ASTN2: variants seen among roughly 807,000 people sequenced by gnomAD.
ASTN2 encodes astrotactin-2.
ASTN2 carries 54 observed loss-of-function variants against 139.8 expected under a neutral mutation model. That is an observed-to-expected ratio of 0.39 (90% CI 0.31 to 0.48). The LOEUF (loss-of-function observed/expected upper bound fraction) is 0.48. Ranked by LOEUF, ASTN2 falls within the 20% of genes least tolerant of loss-of-function variation. ASTN2 has a pLI of 0.95. For synonymous variants in ASTN2, 756 were observed against 719.5 expected, an observed-to-expected ratio of 1.05 and a Z score of -0.81; for missense variants, 1,565 against 1,725.1, an observed-to-expected ratio of 0.91 and a Z score of 1.64.
chr9:116,991,599 A>AT (rs1836859025), intron 7 of ASTN2, among the ~76,000 whole-genome samples: 1 of 152,074 alleles, frequency 6.6e-6, no homozygotes, highest in African/African-American at 2.4e-5. Context: ...AAAAAAAAAA[A>AT]AAAGCAGAAA....
chr9:117,045,310 T>C (rs1838700827), intron 5 of ASTN2, among the ~76,000 whole-genome samples: 1 of 129,888 alleles, frequency 7.7e-6, no homozygotes, highest in Non-Finnish European at 1.6e-5. Flanking sequence ...GCAGATCATA[T>C]TGCCTGAGTA....
Position 116,961,702 on chromosome 9 carries a change from T to A in ASTN2, c.1889+13506A>T, listed in dbSNP as rs557677675. Among the ~76,000 whole-genome samples, 4 of 152,348 alleles carry A rather than the reference T, an allele frequency of 2.6e-5. No homozygotes were observed. The South Asian group carries it at 8.3e-4, about 32-fold the overall frequency. On this transcript the variant is annotated intron_variant, in intron 10 of 22. Coordinates refer to ENST00000313400, the MANE Select transcript of ASTN2 (RefSeq NM_001365068.1). ...GAGTCTCACTCCAATGACTCAATCATCATGTACTTAATGAACACTTATTGG... is the reference window on the plus strand; with the variant it reads ...GAGTCTCACTCCAATGACTCAATCAACATGTACTTAATGAACACTTATTGG...
intron 17 of ASTN2, among the ~76,000 whole-genome samples, chr9:116,633,918 A>G (rs1439937882): frequency 1.3e-5 from 2 of 152,194 alleles, no homozygotes; most frequent in African/African-American, 2.4e-5. Context: ...GCTTTAAGGT[A>G]GTCATATTTC....
intron 1 of ASTN2, among the ~76,000 whole-genome samples, chr9:117,361,578 A>G (rs1480076328): frequency 6.6e-6 from 1 of 152,198 alleles, no homozygotes; most frequent in Non-Finnish European, 1.5e-5. Flanking sequence ...AAACTAAACC[A>G]GAATGAGGGC....
Position 117,386,667 on chromosome 9 carries a change from C to T in ASTN2, c.442+27830G>A, listed in dbSNP as rs544815205. On this transcript the variant is annotated intron_variant, in intron 1 of 22. Coordinates refer to ENST00000313400, the MANE Select transcript of ASTN2 (RefSeq NM_001365068.1). ...AGGTAAGTTCTGTAAGGTCCTAGGACGGCAAGGTCCCAGGTGAATGCCTCC... is the reference window on the plus strand; with the variant it reads ...AGGTAAGTTCTGTAAGGTCCTAGGATGGCAAGGTCCCAGGTGAATGCCTCC... Among the ~76,000 whole-genome samples the T allele has an allele frequency of 6.5e-4, 99 of 152,142 alleles. No homozygotes were observed. In the Middle Eastern group the frequency reaches 0.01, roughly 16 times the overall value.
At chr9:117,075,551 G>C (rs1265429405) in intron 5 of ASTN2, among the ~76,000 whole-genome samples, 1 of 151,918 alleles carries the variant, frequency 6.6e-6, no homozygotes, top group Non-Finnish European at 1.5e-5. Flanking sequence ...GCAATTTCAT[G>C]GTCTCCCTTG....
chr9:116,545,479 C>T (rs949749645), intron 19 of ASTN2, among the ~76,000 whole-genome samples: 2 of 152,100 alleles, frequency 1.3e-5, no homozygotes, highest in African/African-American at 4.8e-5. Context: ...ACATATATCC[C>T]ACAGGGAAAC....
chr9:116,848,272 G>A (rs1313255249), intron 11 of ASTN2, among the ~76,000 whole-genome samples: 1 of 152,206 alleles, frequency 6.6e-6, no homozygotes, highest in Non-Finnish European at 1.5e-5. Flanking sequence ...GTTTTCAGAA[G>A]CCTCATGTCC....
rs142513869 is a variant in ASTN2 at position 116,886,392 on chromosome 9, T to C, written c.1890-22659A>G. Among the ~76,000 whole-genome samples the C allele has an allele frequency of 1.9e-4, 29 of 152,356 alleles. 1 individual carries two copies. The highest frequency in any genetic ancestry group is 6.7e-4 in the African/African-American group (28 of 41,572). On this transcript the variant is annotated intron_variant, in intron 10 of 22. Coordinates refer to ENST00000313400, the MANE Select transcript of ASTN2 (RefSeq NM_001365068.1). ...TTTTCTTTCTTTCTTTTCTTTTTCT[T>C]GAAACAGGGTCTTGCTCCGTTGCCC... is the stretch of plus-strand genomic sequence containing the variant.
chr9:116,456,341 A>C (rs1396041096), intron 20 of ASTN2, among the ~76,000 whole-genome samples: 1 of 152,200 alleles, frequency 6.6e-6, no homozygotes, highest in Non-Finnish European at 1.5e-5. Context: ...ACATTGAGTC[A>C]AGAAATTGAA....
At chr9:117,124,808 G>GA (rs56107557) in intron 4 of ASTN2, among the ~76,000 whole-genome samples, 27,607 of 129,862 alleles carry the variant, frequency 0.21, 3,018 homozygotes, top group African/African-American at 0.3. Context: ...CTGCCACCAT[G>GA]AAAAAAAAAA....
At chr9:116,931,357 C>T (rs1834892475) in intron 10 of ASTN2, among the ~76,000 whole-genome samples, 2 of 152,174 alleles carry the variant, frequency 1.3e-5, no homozygotes, top group Admixed American at 6.5e-5. Flanking sequence ...ATCCCTGTCA[C>T]AGGTGCGAGT....
intron 7 of ASTN2, among the ~76,000 whole-genome samples, chr9:116,986,248 C>A (rs1350128044): frequency 6.7e-6 from 1 of 148,694 alleles, no homozygotes; most frequent in East Asian, 2.0e-4. Flanking sequence ...AGGCTTCCTG[C>A]TGTGTTAGTT....
chr9:116,942,622 GCA>G (rs757464784), intron 10 of ASTN2, among the ~76,000 whole-genome samples: 3 of 152,214 alleles, frequency 2.0e-5, no homozygotes, highest in South Asian at 2.1e-4. Context: ...GTGCATGTGT[GCA>G]CACACACACT....
chr9:117,238,775 A>T (rs1428962887), intron 2 of ASTN2, among the ~76,000 whole-genome samples: 1 of 152,188 alleles, frequency 6.6e-6, no homozygotes. Flanking sequence ...AGTGACCGCT[A>T]TAAAGATTAA....
intron 3 of ASTN2, among the ~76,000 whole-genome samples, chr9:117,212,826 A>G (rs1832183575): frequency 6.6e-6 from 1 of 152,154 alleles, no homozygotes; most frequent in South Asian, 2.1e-4. Flanking sequence ...AAACTCATAC[A>G]CTGTCATGCG....
intron 19 of ASTN2, among the ~76,000 whole-genome samples, chr9:116,560,987 G>T (rs932121569): frequency 6.6e-6 from 1 of 152,042 alleles, no homozygotes; most frequent in Non-Finnish European, 1.5e-5. Flanking sequence ...TGCTAGGATG[G>T]GGTAGACATA....
chr9:117,246,547 TTGTAAAATGC>T (rs1833388458), intron 2 of ASTN2, among the ~76,000 whole-genome samples: 1 of 152,184 alleles, frequency 6.6e-6, no homozygotes, highest in Admixed American at 6.5e-5. Flanking sequence ...GACTTGTAAT[TTGTAAAATGC>T]TGTAAAATTG....
intron 3 of ASTN2, among the ~76,000 whole-genome samples, chr9:117,175,301 C>T (rs1011465898): frequency 2.6e-5 from 4 of 152,036 alleles, no homozygotes; most frequent in African/African-American, 7.2e-5. Flanking sequence ...TATTCATAGC[C>T]ATACAAGAAG....
Sources: gnomAD v4.1 joint callset for allele counts (sites outside exome capture counted in the v4.1 genomes callset) on GRCh38, gnomAD v4.1.1 for gene constraint, MANE v1.5 for transcripts, NCBI Gene and HGNC (gene_info 2026-07-23, HGNC 2026-07-21) for gene names.